MTMR9: variants seen among roughly 807,000 people sequenced by gnomAD.
MTMR9 encodes myotubularin-related protein 9.
Under a neutral mutation model 69.5 loss-of-function variants are expected in MTMR9, and 39 were observed. The observed-to-expected ratio is 0.56, with a 90% CI of 0.43 to 0.73. MTMR9 has a LOEUF of 0.73. Ranked by LOEUF, MTMR9 falls within the 30% of genes least tolerant of loss-of-function variation. The pLI is 0.00. For synonymous variants in MTMR9, 354 were observed against 240.8 expected, an observed-to-expected ratio of 1.47 and a Z score of -4.35; for missense variants, 900 against 671.2, an observed-to-expected ratio of 1.34 and a Z score of -3.77.
chr8:11,308,805 C>G (rs920343122), intron 5 of MTMR9, among the ~76,000 whole-genome samples: 1 of 152,118 alleles, frequency 6.6e-6, no homozygotes, highest in Admixed American at 6.6e-5. Context: ...GAACAGCCAG[C>G]CTTTGTGTTT....
At chr8:11,292,486 C>T (rs1021751159) in intron 1 of MTMR9, among the ~76,000 whole-genome samples, 4 of 152,208 alleles carry the variant, frequency 2.6e-5, no homozygotes, top group African/African-American at 9.6e-5. Context: ...ATTTCCTCCA[C>T]ATTCTTGTCA....
intron 3 of MTMR9, among the ~76,000 whole-genome samples, chr8:11,302,283 CAAAAA>C (rs60497555): frequency 3.8e-5 from 4 of 103,958 alleles, no homozygotes; most frequent in African/African-American, 7.2e-5. Flanking sequence ...AAGAGGAAGA[CAAAAA>C]AAAAAAAAAG....
intron 7 of MTMR9, chr8:11,316,241 T>A (rs1348710054): frequency 2.0e-5 from 3 of 152,858 alleles, no homozygotes; most frequent in African/African-American, 7.2e-5. Flanking sequence ...CTGTCTCCAC[T>A]TAGGGTGAGG....
At position 11,319,729 on chromosome 8, in the gene MTMR9, C is replaced by T. The variant is rs1200381724; in HGVS notation, c.1377C>T (p.Ser459=). 1.2e-6 allele frequency: 2 copies of T among 1,614,084 alleles called. No homozygotes were observed. The highest frequency in any genetic ancestry group is 2.2e-5 in the South Asian group (2 of 91,080). The change falls in exon 9 of 10, where the codon TCC becomes TCT. Residue 459 remains serine, a synonymous_variant. Coordinates refer to ENST00000221086, the MANE Select transcript of MTMR9 (RefSeq NM_015458.4). ...AGCAGAAGACGATGTCTTTGTGGTC[C>T]TGGGTTAATCAGCCCAGTGAGCTGA... ...KLQQKTMSLW[S]WVNQPSELSK...
downstream of MTMR9, chr8:11,331,955 C>T (rs58771247): frequency 7.8e-3 from 12,610 of 1,611,790 alleles, 705 homozygotes; most frequent in African/African-American, 0.15. Flanking sequence ...CCCTGGTGTG[C>T]GCTGTCCTGC....
At chr8:11,287,889 A>T (rs1313252841) in intron 1 of MTMR9, among the ~76,000 whole-genome samples, 5 of 127,558 alleles carry the variant, frequency 3.9e-5, no homozygotes, top group Admixed American at 3.6e-4. Flanking sequence ...AACATATATA[A>T]TACGTATTAT....
rs1302466881 is a variant in MTMR9 at position 11,323,692 on chromosome 8, A to C, written c.*904A>C. ...TGCCCTTGTCTAAAGTTCTTATTGCACTGGTTTATATGTGTATGTGTGTTT... is the reference window on the plus strand; with the variant it reads ...TGCCCTTGTCTAAAGTTCTTATTGCCCTGGTTTATATGTGTATGTGTGTTT... On this transcript the variant is annotated 3_prime_UTR_variant, in exon 10 of 10. Coordinates refer to ENST00000221086, the MANE Select transcript of MTMR9 (RefSeq NM_015458.4). 1 of 152,190 alleles carries C rather than the reference A, an allele frequency of 6.6e-6. No individual in the cohort carries two copies. The highest frequency in any genetic ancestry group is 2.1e-4 in the South Asian group (1 of 4,828). 9.4% of individuals were successfully genotyped at this position (152,190 alleles called of 1,614,324 possible). A position where few individuals can be genotyped will look rare whatever the true frequency, so the allele number is the denominator to read the frequency against.
At chr8:11,321,363 T>G (rs953229958) in intron 9 of MTMR9, 1 of 455,804 alleles carries the variant, frequency 2.2e-6, no homozygotes, top group Admixed American at 2.3e-5. Context: ...TCTTCCTGTT[T>G]AGGACTTCTG....
chr8:11,311,589 T>G (rs1017078034), intron 6 of MTMR9, among the ~76,000 whole-genome samples: 1 of 152,228 alleles, frequency 6.6e-6, no homozygotes, highest in Non-Finnish European at 1.5e-5. Flanking sequence ...TAAAAATACT[T>G]TATTGGTATT....
At chr8:11,313,075 T>G (rs1387958296) in intron 6 of MTMR9, among the ~76,000 whole-genome samples, 1 of 152,248 alleles carries the variant, frequency 6.6e-6, no homozygotes, top group African/African-American at 2.4e-5. Context: ...AGTGTAACCC[T>G]TAAGGCCCCT....
At chr8:11,310,683 A>T (rs545749297) in intron 6 of MTMR9, among the ~76,000 whole-genome samples, 1 of 152,140 alleles carries the variant, frequency 6.6e-6, no homozygotes, top group African/African-American at 2.4e-5. Context: ...CAAATACATA[A>T]TGATTTTGTT....
intron 4 of MTMR9, 57 bp downstream of exon 4, chr8:11,305,071 C>A: frequency 6.5e-7 from 1 of 1,527,212 alleles, no homozygotes; most frequent in South Asian, 1.2e-5. Flanking sequence ...GGGATCTTTT[C>A]GTAGAAATGT....
chr8:11,322,255 A>G (rs565106877), intron 9 of MTMR9, among the ~76,000 whole-genome samples: 13 of 152,356 alleles, frequency 8.5e-5, no homozygotes, highest in African/African-American at 2.9e-4. Context: ...GCAATATTCT[A>G]TAATTATAAA....
chr8:11,290,568 C>A (rs923318911), intron 1 of MTMR9, among the ~76,000 whole-genome samples: 4 of 152,098 alleles, frequency 2.6e-5, no homozygotes, highest in Non-Finnish European at 5.9e-5. Flanking sequence ...TCCATAATAG[C>A]TTCATAGTTT....
chr8:11,288,263 T>C (rs1275719618), intron 1 of MTMR9, among the ~76,000 whole-genome samples: 2 of 138,306 alleles, frequency 1.4e-5, no homozygotes, highest in Non-Finnish European at 3.1e-5. Context: ...ATAATAATTA[T>C]ATATTATAAT....
chr8:11,334,978 C>G, the MTMR9 span, among the ~76,000 whole-genome samples: 46 of 152,218 alleles, frequency 3.0e-4, no homozygotes, highest in Admixed American at 1.0e-3. Context: ...CTGCAGCTAA[C>G]ATACTTAATG....
chr8:11,304,697 A>G (rs1038000138), intron 3 of MTMR9, 144 bp from the exon 4 acceptor site: 3 of 765,498 alleles, frequency 3.9e-6, no homozygotes, highest in African/African-American at 3.5e-5. Context: ...CTACTTACAT[A>G]TAAGCTAGAG....
intron 2 of MTMR9, among the ~76,000 whole-genome samples, chr8:11,295,721 G>A (rs1799531850): frequency 2.0e-5 from 3 of 152,336 alleles, no homozygotes; most frequent in South Asian, 2.1e-4. Context: ...ACAAAGCTCT[G>A]TGCCAAAGAC....
chr8:11,295,392 C>G (rs1263863067), intron 2 of MTMR9, 90 bp downstream of exon 2: 3 of 813,376 alleles, frequency 3.7e-6, no homozygotes, highest in Non-Finnish European at 6.2e-6. Context: ...ATAATTTAGT[C>G]ATGTTCTCTG....
Sources: allele counts gnomAD v4.1 joint callset (sites outside exome capture counted in the v4.1 genomes callset), GRCh38; gene constraint gnomAD v4.1.1; transcripts MANE v1.5; gene names NCBI Gene and HGNC (gene_info 2026-07-23, HGNC 2026-07-21).